Variants in TUFT1 observed in about 807,000 individuals in gnomAD.
TUFT1 encodes the protein tuftelin 1.
Under a neutral mutation model 57.8 loss-of-function variants are expected in TUFT1, and 43 were observed. The observed-to-expected ratio is 0.74, with a 90% CI of 0.58 to 0.96. The LOEUF is 0.96. TUFT1 is among the 40% of genes least tolerant of loss of function. TUFT1 has a pLI of 0.00. For missense variants in TUFT1, 459 were observed against 489.0 expected, an observed-to-expected ratio of 0.94 and a Z score of 0.58; for synonymous variants, 166 against 176.7, an observed-to-expected ratio of 0.94 and a Z score of 0.48.
chr1:151,542,451 C>T (rs1042874140), intron 1 of TUFT1, among the ~76,000 whole-genome samples: 25 of 151,224 alleles, frequency 1.7e-4, no homozygotes, highest in Non-Finnish European at 3.2e-4. Context: ...AGGCTAGTCT[C>T]GAACTCCTGG....
At position 151,574,059 on chromosome 1, in the gene TUFT1, G is replaced by C. The variant is rs114265397; in HGVS notation, c.595-211G>C. Among the ~76,000 whole-genome samples the C allele has an allele frequency of 5.1e-3, 773 of 152,244 alleles. 6 individuals carry two copies. Among genetic ancestry groups the C allele is most frequent in the African/African-American group, 0.018 (732 of 41,540 alleles). ...TTTAAAGTGGACCTCAATCAACTGT[G>C]AGCCAGTTAACCCTGGAAATAGACA... On this transcript the variant is annotated intron_variant, in intron 7 of 12. Coordinates refer to ENST00000368849, the MANE Select transcript of TUFT1 (RefSeq NM_020127.3).
intron 7 of TUFT1, among the ~76,000 whole-genome samples, chr1:151,572,858 C>T (rs1666301276): frequency 6.6e-6 from 1 of 152,184 alleles, no homozygotes; most frequent in African/African-American, 2.4e-5. Flanking sequence ...TTGGGAGGGG[C>T]TGGACGAACT....
chr1:151,547,326 G>A lies in TUFT1; in HGVS notation c.60+6900G>A, dbSNP rs991946483. On this transcript the variant is annotated intron_variant, in intron 1 of 12. Transcript: ENST00000368849. ...ATAGTTCTCCAGGGTGGAGGGGGGCGTGCACCCAGATGGTTTCAGTTCCAG... is the reference window on the plus strand; with the variant it reads ...ATAGTTCTCCAGGGTGGAGGGGGGCATGCACCCAGATGGTTTCAGTTCCAG... 5.9e-5 allele frequency among the ~76,000 whole-genome samples: 9 copies of A among 152,344 alleles called. No homozygotes were observed. The Middle Eastern group carries it at 0.01, about 173-fold the overall frequency.
intron 1 of TUFT1, chr1:151,557,807 G>C (rs753179443): frequency 1.3e-6 from 1 of 757,096 alleles, no homozygotes; most frequent in Admixed American, 1.7e-5. Context: ...GAGGGAAAGC[G>C]GACAGAGATA....
chr1:151,542,498 T>G (rs550673611), intron 1 of TUFT1, among the ~76,000 whole-genome samples: 10 of 152,178 alleles, frequency 6.6e-5, no homozygotes, highest in African/African-American at 1.9e-4. Flanking sequence ...TCCCAAAGGC[T>G]TGGGATTACA....
Position 151,561,460 on chromosome 1 carries a change from TGCGCGCGCGC to T in TUFT1, c.61-626_61-617del, listed in dbSNP as rs113125642. On this transcript the variant is annotated intron_variant, in intron 1 of 12. Coordinates refer to ENST00000368849, the MANE Select transcript of TUFT1 (RefSeq NM_020127.3). ...GCCTGGGAGGTTGAGGCTGCAGTCA[TGCGCGCGCGC>T]GCGCACACACACACACACACACACA... 3.1e-4 allele frequency: 119 copies of T among 387,650 alleles called. 1 individual carries two copies. In the East Asian group the frequency reaches 5.4e-3, roughly 18 times the overall value. 24.0% of individuals were successfully genotyped at this position (387,650 alleles called of 1,614,324 possible).
intron 10 of TUFT1, 109 bp downstream of exon 10, chr1:151,578,935 A>G: frequency 1.2e-6 from 1 of 814,026 alleles, no homozygotes; most frequent in Non-Finnish European, 1.9e-6. Context: ...CATGTCAAAC[A>G]TTTATAGCTA....
At chr1:151,563,567 C>T (rs1184122653) in intron 3 of TUFT1, among the ~76,000 whole-genome samples, 1 of 152,164 alleles carries the variant, frequency 6.6e-6, no homozygotes, top group African/African-American at 2.4e-5. Context: ...TGTGTACACT[C>T]TGTGATGTTT....
rs1394226465 is a variant in TUFT1 at position 151,566,203 on chromosome 1, C to T, written c.455C>T (p.Thr152Ile). Residue 152 changes from threonine to isoleucine, a missense_variant, in exon 6 of 13, where the codon ACA (threonine) becomes ATA (isoleucine). Transcript: ENST00000368849. ...EKPNGFSQSP[T>I]ALYSSPPEVD... is the part of the protein sequence containing the mutation. ...CCAAATGGCTTTAGTCAGAGTCCCA[C>T]AGCCCTGTACAGCAGCCCACCTGAG... The T allele has an allele frequency of 1.2e-6, 2 of 1,611,850 alleles. No homozygotes were observed. Among genetic ancestry groups the T allele is most frequent in the East Asian group, 2.2e-5 (1 of 44,888 alleles).
rs1229580983 is a variant in TUFT1 at position 151,582,617 on chromosome 1, A to T, written c.*910A>T. ...TATAGCCTTCTCTTGCAGTATTTGG[A>T]TTTGCTTGAAACCGGGAAAACTGTT... On this transcript the variant is annotated 3_prime_UTR_variant, in exon 13 of 13. Coordinates refer to ENST00000368849, the MANE Select transcript of TUFT1 (RefSeq NM_020127.3). The T allele has an allele frequency of 6.2e-6, 1 of 160,638 alleles. No homozygotes were observed. Among genetic ancestry groups the T allele is most frequent in the Non-Finnish European group, 1.4e-5 (1 of 73,560 alleles). The allele number at this position is 160,638 out of a possible 1,614,324, so 10.0% of individuals were successfully genotyped here.
chr1:151,574,942 A>G lies in TUFT1; in HGVS notation c.755A>G (p.Glu252Gly). The G allele has an allele frequency of 6.3e-7, 1 of 1,578,130 alleles. No homozygotes were observed. Among genetic ancestry groups the G allele is most frequent in the Non-Finnish European group, 8.6e-7 (1 of 1,161,520 alleles). ...CAGGCCTTACTGGCGAAAGTGAGGG[A>G]AGGGGAGGTGGCCCTAGAGGAACTT... ...EHQALLAKVR[E>G]GEVALEELRS... The change falls in exon 9 of 13, where the codon GAA becomes GGA. Residue 252 changes from glutamate (E) to glycine (G), a missense_variant. Glu to Gly is a moderately conservative substitution (Grantham distance 98). Transcript: ENST00000368849.
At chr1:151,558,021 G>T in intron 1 of TUFT1, 2 of 418,054 alleles carry the variant, frequency 4.8e-6, no homozygotes, top group South Asian at 1.9e-5. Flanking sequence ...AAGAGGGGAA[G>T]GAAATCTTGT....
chr1:151,555,637 C>T (rs191306068), intron 1 of TUFT1, among the ~76,000 whole-genome samples: 37 of 151,468 alleles, frequency 2.4e-4, no homozygotes, highest in Admixed American at 2.0e-3. Context: ...ATTAGCCGGA[C>T]GTTGTGGTGG....
At position 151,563,936 on chromosome 1, in the gene TUFT1, G is replaced by A; in HGVS notation, c.270G>A (p.Met90Ile). Residue 90 changes from methionine to isoleucine, a missense_variant, in exon 4 of 13, where the codon ATG becomes ATA. Physicochemically the swap from Met to Ile is conservative, Grantham distance 10. Coordinates refer to ENST00000368849, the MANE Select transcript of TUFT1 (RefSeq NM_020127.3). ...TGAAGGGGAGGTCTGGAGACAAGATGATTCACGAGAAGAATATTAACCAGC... is the reference window on the plus strand; with the variant it reads ...TGAAGGGGAGGTCTGGAGACAAGATAATTCACGAGAAGAATATTAACCAGC... ...VYLKGRSGDK[M>I]IHEKNINQLK... 2.5e-6 allele frequency: 4 copies of A among 1,614,162 alleles called. 1 individual carries two copies. In the South Asian group the frequency reaches 3.3e-5, roughly 13 times the overall value.
At chr1:151,561,575 T>C (rs1309122551) in intron 1 of TUFT1, 4 of 1,186,444 alleles carry the variant, frequency 3.4e-6, no homozygotes, top group East Asian at 1.2e-4. Flanking sequence ...TGAATACCTA[T>C]TATCTTGCCT....
intron 1 of TUFT1, 137 bp downstream of exon 1, chr1:151,540,563 T>G (rs1665129737): frequency 1.1e-6 from 1 of 913,018 alleles, no homozygotes; most frequent in Non-Finnish European, 1.7e-6. Flanking sequence ...GGCGCTTCTC[T>G]CTTTTTATTC....
intron 1 of TUFT1, chr1:151,557,423 C>A: frequency 9.6e-7 from 1 of 1,041,460 alleles, no homozygotes; most frequent in East Asian, 2.5e-5. Flanking sequence ...CCAGCCCCAG[C>A]CCCGGCCCCT....
rs188858786 is a variant in TUFT1 at position 151,545,626 on chromosome 1, A to T, written c.60+5200A>T. ...CCTCCTATAAGCAACCAGCCAAGGG[A>T]TGGAGGAAGAGTCTGGGAACTCTCT... On this transcript the variant is annotated intron_variant, in intron 1 of 12. Coordinates refer to ENST00000368849, the MANE Select transcript of TUFT1 (RefSeq NM_020127.3). Among the ~76,000 whole-genome samples, 10 of 152,300 alleles carry T rather than the reference A, an allele frequency of 6.6e-5. No individual in the cohort carries two copies. The East Asian group carries it at 1.5e-3, about 24-fold the overall frequency.
chr1:151,569,892 G>A (rs1364314136), intron 7 of TUFT1, 122 bp downstream of exon 7: 3 of 804,386 alleles, frequency 3.7e-6, no homozygotes, highest in African/African-American at 1.7e-5. Flanking sequence ...GGAAAGGCAA[G>A]GCTGTGAAGC....
Sources: gnomAD v4.1 joint callset for allele counts (sites outside exome capture counted in the v4.1 genomes callset) on GRCh38, gnomAD v4.1.1 for gene constraint, MANE v1.5 for transcripts, NCBI Gene and HGNC (gene_info 2026-07-23, HGNC 2026-07-21) for gene names.